SLC39A11: variants seen among roughly 807,000 people sequenced by gnomAD.
SLC39A11 encodes the protein solute carrier family 39 member 11.
SLC39A11 carries 33 observed loss-of-function variants against 36.1 expected under a neutral mutation model. The ratio of observed to expected loss-of-function variants is 0.91; its 90% CI spans 0.69 to 1.22. The LOEUF (loss-of-function observed/expected upper bound fraction) is 1.22, where lower values mean the gene tolerates loss of function less well. Among genes scored for constraint, SLC39A11 ranks in the 50% most tolerant of loss-of-function variants. SLC39A11 has a pLI of 0.00. For synonymous variants in SLC39A11, 166 were observed against 170.3 expected, an observed-to-expected ratio of 0.97 and a Z score of 0.20; for missense variants, 432 against 430.3, an observed-to-expected ratio of 1.00 and a Z score of -0.03.
chr17:73,076,516 C>G (rs755419916), intron 3 of SLC39A11, among the ~76,000 whole-genome samples: 2 of 152,232 alleles, frequency 1.3e-5, no homozygotes, highest in Non-Finnish European at 2.9e-5. Context: ...TACAAACCAA[C>G]TGTAACAGCA....
chr17:72,955,877 G>C (rs187940685), intron 4 of SLC39A11, among the ~76,000 whole-genome samples: 101 of 152,186 alleles, frequency 6.6e-4, no homozygotes, highest in Non-Finnish European at 1.2e-3. Flanking sequence ...AAGAATTAAC[G>C]ATTTTCTAGC....
At chr17:72,783,864 T>G (rs73354710) in intron 6 of SLC39A11, among the ~76,000 whole-genome samples, 5,636 of 152,140 alleles carry the variant, frequency 0.037, 322 homozygotes, top group African/African-American at 0.13. Flanking sequence ...GGGGTCTCCA[T>G]GCCCCCTAGC....
At chr17:72,649,019 T>A in intron 8 of SLC39A11, 58 bp from the exon 9 acceptor site, 1 of 1,578,762 alleles carries the variant, frequency 6.3e-7, no homozygotes, top group Non-Finnish European at 8.6e-7. Flanking sequence ...ACACTCCACG[T>A]GCCCAGACTG....
intron 7 of SLC39A11, among the ~76,000 whole-genome samples, chr17:72,675,858 T>G (rs71377872): frequency 0.21 from 31,937 of 152,156 alleles, 3,499 homozygotes; most frequent in Middle Eastern, 0.28. Context: ...TTTGTATTTT[T>G]AGTAGAGATG....
At chr17:73,087,166 G>A (rs908737912) in intron 2 of SLC39A11, among the ~76,000 whole-genome samples, 2 of 152,124 alleles carry the variant, frequency 1.3e-5, no homozygotes, top group African/African-American at 4.8e-5. Flanking sequence ...TCTACAATGT[G>A]TCTCTGTGAA....
At chr17:72,777,863 ATGTATATATG>A in intron 6 of SLC39A11, among the ~76,000 whole-genome samples, 1 of 140,872 alleles carries the variant, frequency 7.1e-6, no homozygotes, top group Non-Finnish European at 1.6e-5. Flanking sequence ...GTATGTATGT[ATGTATATATG>A]TATGTATGTA....
Position 72,907,206 on chromosome 17 carries a change from C to T in SLC39A11, c.430+40546G>A, listed in dbSNP as rs113776192. ...AACACCATCAGAAATGAATGAGTCA[C>T]GCGCTGGGTGCGGGGGCTCAGAACT... On this transcript the variant is annotated intron_variant, in intron 5 of 9. Transcript: ENST00000255559. 7.6e-3 allele frequency among the ~76,000 whole-genome samples: 1,159 copies of T among 152,320 alleles called. 9 individuals carry two copies. Among genetic ancestry groups the T allele is most frequent in the African/African-American group, 0.026 (1,091 of 41,570 alleles).
At chr17:72,732,983 G>T (rs542126268) in intron 7 of SLC39A11, among the ~76,000 whole-genome samples, 26 of 152,328 alleles carry the variant, frequency 1.7e-4, no homozygotes, top group Admixed American at 1.2e-3. Flanking sequence ...AGGACAAGTT[G>T]CACACGCAAG....
chr17:73,052,364 C>CA (rs1318008177), intron 3 of SLC39A11, among the ~76,000 whole-genome samples: 1 of 150,806 alleles, frequency 6.6e-6, no homozygotes, highest in Non-Finnish European at 1.5e-5. Flanking sequence ...CCTAAAACTG[C>CA]AAAAACAACC....
chr17:72,762,550 A>C (rs753182264), intron 6 of SLC39A11, among the ~76,000 whole-genome samples: 2 of 152,218 alleles, frequency 1.3e-5, no homozygotes, highest in Non-Finnish European at 2.9e-5. Flanking sequence ...ATGGGCAACC[A>C]GCAGCCCTTG....
chr17:72,797,130 C>T (rs1040075798), intron 6 of SLC39A11, among the ~76,000 whole-genome samples: 1 of 152,068 alleles, frequency 6.6e-6, no homozygotes, highest in Non-Finnish European at 1.5e-5. Context: ...GTGCCTAATA[C>T]AAAACAAGAA....
intron 6 of SLC39A11, among the ~76,000 whole-genome samples, chr17:72,742,355 G>A (rs370299160): frequency 2.6e-5 from 4 of 152,166 alleles, no homozygotes; most frequent in South Asian, 2.1e-4. Context: ...GGAGCTGCCC[G>A]TGTCCATGGT....
chr17:72,990,791 A>AGT lies in SLC39A11; in HGVS notation c.306+40763_306+40764dup, dbSNP rs764549936. ...ACACACATCTACACTAAAATCTTAC[A>AGT]GTGTATATATATATAACCTAGAGAC... On this transcript the variant is annotated intron_variant, in intron 4 of 9. Transcript: ENST00000255559. Among the ~76,000 whole-genome samples, 6 of 152,302 alleles carry AGT rather than the reference A, an allele frequency of 3.9e-5. No homozygotes were observed. The East Asian group carries it at 1.2e-3, about 29-fold the overall frequency.
chr17:72,861,693 T>A (rs868446279), intron 5 of SLC39A11, among the ~76,000 whole-genome samples: 10 of 89,398 alleles, frequency 1.1e-4, no homozygotes, highest in Non-Finnish European at 1.5e-4. Flanking sequence ...ATATATAAAA[T>A]ATATATATTG....
At chr17:73,021,595 G>A (rs2058354474) in intron 4 of SLC39A11, among the ~76,000 whole-genome samples, 2 of 152,092 alleles carry the variant, frequency 1.3e-5, no homozygotes, top group South Asian at 4.2e-4. Flanking sequence ...CCAAAGTGCT[G>A]GGATTACCAA....
chr17:72,877,157 C>A (rs1009946280), intron 5 of SLC39A11, among the ~76,000 whole-genome samples: 1 of 152,226 alleles, frequency 6.6e-6, no homozygotes, highest in African/African-American at 2.4e-5. Flanking sequence ...CACATACACT[C>A]CCTTTTCTTT....
At chr17:73,075,911 T>C (rs900476512) in intron 3 of SLC39A11, among the ~76,000 whole-genome samples, 1 of 152,164 alleles carries the variant, frequency 6.6e-6, no homozygotes, top group Non-Finnish European at 1.5e-5. Flanking sequence ...TCACTGTCCC[T>C]GTAAAGTGGG....
At chr17:72,769,396 G>A (rs755911235) in intron 6 of SLC39A11, among the ~76,000 whole-genome samples, 26 of 152,140 alleles carry the variant, frequency 1.7e-4, no homozygotes, top group Admixed American at 1.2e-3. Context: ...TCTGAAACAT[G>A]CTACAACATG....
chr17:72,768,261 G>A (rs1337536775), intron 6 of SLC39A11, among the ~76,000 whole-genome samples: 1 of 152,216 alleles, frequency 6.6e-6, no homozygotes, highest in Non-Finnish European at 1.5e-5. Flanking sequence ...CCTTTCAATA[G>A]CCTCACAAGG....
Sources: gnomAD v4.1 joint callset for allele counts (sites outside exome capture counted in the v4.1 genomes callset) on GRCh38, gnomAD v4.1.1 for gene constraint, MANE v1.5 for transcripts, NCBI Gene and HGNC (gene_info 2026-07-23, HGNC 2026-07-21) for gene names.